The following CENPC variants were observed in gnomAD, a reference collection of about 807,000 sequenced individuals.
The protein encoded by CENPC is CENP-C 1.
Under a neutral mutation model 112.1 loss-of-function variants are expected in CENPC, and 63 were observed. The observed-to-expected ratio is 0.56, with a 90% confidence interval of 0.46 to 0.69. The LOEUF is 0.69. CENPC is among the 30% of genes least tolerant of loss of function. The probability of loss-of-function intolerance (pLI) is 0.00; values close to 1 mark genes in which losing one functional copy is unlikely to be tolerated. For synonymous variants in CENPC, 333 were observed against 367.6 expected (o/e 0.91, Z 1.08); for missense variants, 1,000 against 1,103.8 (o/e 0.91, Z 1.33).
rs191345836 is a variant in CENPC at position 67,472,705 on chromosome 4, T to G, written c.2762-30A>C. 2.1e-4 allele frequency: 315 copies of G among 1,477,306 alleles called. 1 individual carries two copies. The African/African-American group carries it at 3.8e-3, about 18-fold the overall frequency. The allele number at this position is 1,477,306 out of a possible 1,614,324, so 91.5% of individuals were successfully genotyped here. A position where few individuals can be genotyped will look rare whatever the true frequency, so the allele number is the denominator to read the frequency against. On this transcript the variant is annotated intron_variant, in intron 18 of 18. Coordinates refer to ENST00000273853, the MANE Select transcript of CENPC (RefSeq NM_001812.4). Reference sequence around the variant, plus strand: ...AAGTAAAGTGATAAGAAAATAAAAATTATTTACATATGAATCATTCTTTTT... The same window carrying G: ...AAGTAAAGTGATAAGAAAATAAAAAGTATTTACATATGAATCATTCTTTTT...
chr4:67,505,346 G>A (rs1256435821), intron 11 of CENPC, 62 bp from the exon 12 acceptor site: 5 of 954,498 alleles, frequency 5.2e-6, no homozygotes, highest in Non-Finnish European at 6.3e-6. Flanking sequence ...TAATGTATTT[G>A]CCTTAATGAT....
In CENPC at chr4:67,477,802, A is replaced by T. The variant is rs796313106; in HGVS notation, c.2671-2824T>A. On this transcript the variant is annotated intron_variant, in intron 17 of 18. Transcript: ENST00000273853. Reference sequence around the variant, plus strand: ...AAACCAACTTAAAGAATTTTTTTTTAAAAATACAGGATTTTGATGAAAAAA... The same window carrying T: ...AAACCAACTTAAAGAATTTTTTTTTTAAAATACAGGATTTTGATGAAAAAA... Among the ~76,000 whole-genome samples the T allele has an allele frequency of 1.4e-4, 22 of 152,222 alleles. 1 individual carries two copies. The highest frequency in any genetic ancestry group is 4.6e-4 in the African/African-American group (19 of 41,526).
intron 2 of CENPC, among the ~76,000 whole-genome samples, chr4:67,543,311 ACTTT>A (rs1560447260): frequency 6.6e-6 from 1 of 152,152 alleles, no homozygotes; most frequent in African/African-American, 2.4e-5. Context: ...TCGTTAAGTT[ACTTT>A]CTATGTCTGG....
chr4:67,483,815 A>C (rs1291544757), intron 17 of CENPC, among the ~76,000 whole-genome samples: 2 of 152,216 alleles, frequency 1.3e-5, no homozygotes, highest in Non-Finnish European at 2.9e-5. Context: ...TTATAGAATA[A>C]GGAAATAAAA....
At chr4:67,510,044 T>C (rs369950658) in intron 9 of CENPC, among the ~76,000 whole-genome samples, 14 of 152,136 alleles carry the variant, frequency 9.2e-5, no homozygotes, top group African/African-American at 3.1e-4. Flanking sequence ...ACAGTTTCTC[T>C]AAAGCACTGG....
rs564637759 is a variant in CENPC at position 67,513,945 on chromosome 4, C to T, written c.1444+129G>A. 3.0e-5 allele frequency: 23 copies of T among 778,054 alleles called. No homozygotes were observed. In the African/African-American group the frequency reaches 3.7e-4, roughly 12 times the overall value. 48.2% of individuals were successfully genotyped at this position (778,054 alleles called of 1,614,324 possible). A position where few individuals can be genotyped will look rare whatever the true frequency, so the allele number is the denominator to read the frequency against. ...AAAATAAAAAGGTTCTAGAAAAGAA[C>T]CTATAGGCTTTTCAGGCTCTTTGTT... On this transcript the variant is annotated intron_variant, in intron 8 of 18. Transcript: ENST00000273853.
At chr4:67,487,927 T>C (rs1486670059) in intron 17 of CENPC, among the ~76,000 whole-genome samples, 3 of 151,732 alleles carry the variant, frequency 2.0e-5, no homozygotes, top group African/African-American at 7.3e-5. Context: ...TTCAAAAGCA[T>C]ATATTTGTAA....
intron 17 of CENPC, among the ~76,000 whole-genome samples, chr4:67,481,255 C>T (rs189456364): frequency 6.6e-5 from 10 of 152,002 alleles, no homozygotes; most frequent in East Asian, 3.9e-4. Flanking sequence ...AAATCATAGA[C>T]GACATAAACA....
intron 1 of CENPC, 146 bp downstream of exon 1, chr4:67,545,192 T>C (rs1726995190): frequency 1.4e-6 from 1 of 724,892 alleles, no homozygotes; most frequent in Non-Finnish European, 2.0e-6. Context: ...ACGATCACAC[T>C]TGATTTCAAA....
At chr4:67,508,712 C>T in intron 10 of CENPC, 102 bp downstream of exon 10, 1 of 1,054,900 alleles carries the variant, frequency 9.5e-7, no homozygotes, top group Non-Finnish European at 1.4e-6. Context: ...GAGTGCAGAG[C>T]TCTTCATGCT....
In CENPC at chr4:67,469,343, G is replaced by A. The variant is rs1724590077; in HGVS notation, c.*3262C>T. On this transcript the variant is annotated 3_prime_UTR_variant, in exon 19 of 19. Transcript: ENST00000273853. ...ACATTGGACAAAAGTGAAGGACGGT[G>A]ATTCTTTTGTTTTCTTTTTTTGAGT... 6.6e-6 allele frequency: 1 copy of A among 152,082 alleles called. No individual in the cohort carries two copies. Among genetic ancestry groups the A allele is most frequent in the Non-Finnish European group, 1.5e-5 (1 of 67,998 alleles). The allele number at this position is 152,082 out of a possible 1,614,324, so 9.4% of individuals were successfully genotyped here.
intron 16 of CENPC, among the ~76,000 whole-genome samples, chr4:67,491,314 C>G (rs963901938): frequency 6.6e-6 from 1 of 150,870 alleles, no homozygotes; most frequent in Non-Finnish European, 1.5e-5. Flanking sequence ...GCTGGGACTA[C>G]AAGCACCCAC....
rs751688688 is a variant in CENPC at position 67,508,939 on chromosome 4, C to T, written c.1779G>A (p.Lys593=). 6.2e-7 allele frequency: 1 copy of T among 1,613,594 alleles called. No individual in the cohort carries two copies. The highest frequency in any genetic ancestry group is 8.5e-7 in the Non-Finnish European group (1 of 1,179,712). ...TATKGNQRVQ[K]FLNAEGSGGI... ...CTCCAGAACCTTCAGCATTTAAAAACTTCTGTACTCTTTGGTTGCCTTTAG... is the reference window on the plus strand; with the variant it reads ...CTCCAGAACCTTCAGCATTTAAAAATTTCTGTACTCTTTGGTTGCCTTTAG... Residue 593 remains lysine, a synonymous_variant, in exon 10 of 19, where the codon AAG becomes AAA. Coordinates refer to ENST00000273853, the MANE Select transcript of CENPC (RefSeq NM_001812.4).
chr4:67,473,945 G>A (rs992128836), intron 18 of CENPC, among the ~76,000 whole-genome samples: 1 of 152,182 alleles, frequency 6.6e-6, no homozygotes, highest in Non-Finnish European at 1.5e-5. Flanking sequence ...AGCTGATGAA[G>A]CATACCATTC....
intron 17 of CENPC, among the ~76,000 whole-genome samples, chr4:67,487,975 T>C (rs1394248843): frequency 6.6e-6 from 1 of 151,672 alleles, no homozygotes; most frequent in Non-Finnish European, 1.5e-5. Context: ...ATACGAGTCT[T>C]ATTAAAAAAA....
intron 5 of CENPC, among the ~76,000 whole-genome samples, chr4:67,530,293 T>C (rs549938832): frequency 6.6e-6 from 1 of 152,104 alleles, no homozygotes; most frequent in Non-Finnish European, 1.5e-5. Flanking sequence ...TTAATATCAA[T>C]GAATGGGCAA....
intron 4 of CENPC, among the ~76,000 whole-genome samples, chr4:67,532,938 G>A (rs1726601350): frequency 6.6e-6 from 1 of 152,196 alleles, no homozygotes; most frequent in Non-Finnish European, 1.5e-5. Context: ...TATCAGTCAT[G>A]AGTTCAACTA....
chr4:67,543,460 G>T (rs775829018), intron 2 of CENPC, among the ~76,000 whole-genome samples: 6 of 152,094 alleles, frequency 3.9e-5, no homozygotes, highest in Non-Finnish European at 8.8e-5. Context: ...GCAAGTTAAT[G>T]CCTAATTATA....
chr4:67,531,054 A>G (rs1337277412), intron 4 of CENPC, 140 bp from the exon 5 acceptor site: 1 of 456,252 alleles, frequency 2.2e-6, no homozygotes, highest in African/African-American at 2.0e-5. Flanking sequence ...ACTACTTTTT[A>G]TTTTATTTCT....
Sources: gnomAD v4.1 joint callset for allele counts (sites outside exome capture counted in the v4.1 genomes callset) on GRCh38, gnomAD v4.1.1 for gene constraint, MANE v1.5 for transcripts, NCBI Gene and HGNC (gene_info 2026-07-23, HGNC 2026-07-21) for gene names.